Variants in DLG5 observed in about 807,000 individuals in gnomAD.
DLG5 encodes the protein discs large MAGUK scaffold protein 5.
In DLG5, 48 loss-of-function variants were observed where a neutral mutation model predicts 189.8. The observed-to-expected ratio is 0.25, with a 90% confidence interval of 0.20 to 0.32. The LOEUF (loss-of-function observed/expected upper bound fraction) is 0.32. Among genes scored for constraint, DLG5 ranks in the 10% least tolerant of loss-of-function variants. The pLI is 1.00. For synonymous variants in DLG5, 1,016 were observed against 1,054.1 expected (o/e 0.96, Z 0.70); for missense variants, 2,160 against 2,544.7 (o/e 0.85, Z 3.25).
intron 5 of DLG5, among the ~76,000 whole-genome samples, chr10:77,845,059 G>T (rs181854527): frequency 6.6e-6 from 1 of 152,262 alleles, no homozygotes; most frequent in African/African-American, 2.4e-5. Flanking sequence ...TCCTGAGTGA[G>T]ACAGGAAGCT....
At chr10:77,922,276 G>A (rs567375924) in intron 1 of DLG5, among the ~76,000 whole-genome samples, 1 of 152,200 alleles carries the variant, frequency 6.6e-6, no homozygotes, top group South Asian at 2.1e-4. Context: ...CCAGGGGCAG[G>A]GAGTTGAGAA....
chr10:77,884,802 G>A (rs1471153678), intron 1 of DLG5, among the ~76,000 whole-genome samples: 1 of 152,108 alleles, frequency 6.6e-6, no homozygotes, highest in Non-Finnish European at 1.5e-5. Flanking sequence ...GCCCTCAGAT[G>A]TTCCAAACAT....
At chr10:77,802,022 T>C (rs889272344) in intron 27 of DLG5, among the ~76,000 whole-genome samples, 4 of 152,102 alleles carry the variant, frequency 2.6e-5, no homozygotes, top group African/African-American at 9.7e-5. Flanking sequence ...CAGATGAGAT[T>C]TGAAGATGAC....
At chr10:77,863,798 C>T (rs968941982) in intron 2 of DLG5, among the ~76,000 whole-genome samples, 1 of 152,166 alleles carries the variant, frequency 6.6e-6, no homozygotes, top group Non-Finnish European at 1.5e-5. Flanking sequence ...TGGCCCAAAA[C>T]AGGAAGACAC....
chr10:77,897,419 A>C (rs1845794550), intron 1 of DLG5, among the ~76,000 whole-genome samples: 1 of 152,210 alleles, frequency 6.6e-6, no homozygotes. Flanking sequence ...ATTTAAAAAC[A>C]AGTGAGTAAT....
At position 77,792,176 on chromosome 10, in the gene DLG5, A is replaced by G; in HGVS notation, c.*264T>C. On this transcript the variant is annotated 3_prime_UTR_variant, in exon 32 of 32. Coordinates refer to ENST00000372391, the MANE Select transcript of DLG5 (RefSeq NM_004747.4). ...GCATCTCTGATCAGCTGGCTAAAGA[A>G]AGGTGGGTGCTGAACCCGTCTTTAG... The G allele has an allele frequency of 2.0e-6, 1 of 501,280 alleles. No homozygotes were observed. The highest frequency in any genetic ancestry group is 3.6e-6 in the Non-Finnish European group (1 of 281,228). The allele number at this position is 501,280 out of a possible 1,614,324, so 31.1% of individuals were successfully genotyped here.
In DLG5 at chr10:77,829,424, C is replaced by T; in HGVS notation, c.2116G>A (p.Val706Met). The T allele has an allele frequency of 6.2e-7, 1 of 1,614,258 alleles. No individual in the cohort carries two copies. Among genetic ancestry groups the T allele is most frequent in the Non-Finnish European group, 8.5e-7 (1 of 1,180,046 alleles). ...LNGEGAINMVVRRRKSLGGKV... is the reference protein window; with the variant it reads ...LNGEGAINMVMRRRKSLGGKV... ...CCACCCAGGGACTTCCTCCGCCGCACGACCATGTTGATGGCCCCCTCCCCA... is the reference window on the plus strand; with the variant it reads ...CCACCCAGGGACTTCCTCCGCCGCATGACCATGTTGATGGCCCCCTCCCCA... Residue 706 changes from valine to methionine, a missense_variant, in exon 12 of 32, where the codon GTG becomes ATG. Val to Met is a conservative substitution (Grantham distance 21). Around this residue, in one of 5 missense-constraint regions of DLG5, gnomAD observed 107 missense variants for 214.5 expected, o/e 0.50. Transcript: ENST00000372391.
At chr10:77,884,847 G>A (rs954958253) in intron 1 of DLG5, among the ~76,000 whole-genome samples, 12 of 152,068 alleles carry the variant, frequency 7.9e-5, no homozygotes, top group Non-Finnish European at 1.6e-4. Flanking sequence ...CGTCCAGGAG[G>A]GTTCACCCTC....
At position 77,830,773 on chromosome 10, in the gene DLG5, C is replaced by T. The variant is rs775874876; in HGVS notation, c.1849G>A (p.Glu617Lys). ...SAIDTDSMEW[E>K]TEVVEFERET... is the part of the protein sequence containing the mutation. The stretch of plus-strand genomic sequence containing the variant: ...CTCTCGAACTCTACAACTTCCGTTT[C>T]CCACTCCATGGAATCCGTGTCAATG... The change falls in exon 10 of 32, where the codon GAA (glutamate) becomes AAA (lysine). Residue 617 changes from glutamate to lysine, a missense_variant. By Grantham distance (56) the Glu-to-Lys change is moderately conservative (BLOSUM62 1). Around this residue, in one of 5 missense-constraint regions of DLG5, gnomAD observed 664 missense variants for 838.5 expected, o/e 0.79. Coordinates refer to ENST00000372391, the MANE Select transcript of DLG5 (RefSeq NM_004747.4). 3.1e-6 allele frequency: 5 copies of T among 1,614,104 alleles called. No homozygotes were observed. Among genetic ancestry groups the T allele is most frequent in the African/African-American group, 1.3e-5 (1 of 74,928 alleles).
intron 17 of DLG5, 136 bp downstream of exon 17, chr10:77,819,185 T>A: frequency 7.8e-7 from 1 of 1,282,418 alleles, no homozygotes; most frequent in South Asian, 1.3e-5. Context: ...CCTTTCCCTG[T>A]GCTGCTCTAG....
chr10:77,866,834 G>A, intron 2 of DLG5: 1 of 390,834 alleles, frequency 2.6e-6, no homozygotes, highest in East Asian at 7.2e-5. Context: ...AAGGTGGTAT[G>A]AGTGGGTGTT....
At chr10:77,854,631 C>G (rs1844142137) in intron 3 of DLG5, among the ~76,000 whole-genome samples, 1 of 152,198 alleles carries the variant, frequency 6.6e-6, no homozygotes, top group Non-Finnish European at 1.5e-5. Context: ...ACTTGTTCTG[C>G]AGGAGCTTCC....
In DLG5 at chr10:77,874,483, C is replaced by A. The variant is rs150881681; in HGVS notation, c.305-5286G>T. ...CATGACACCACAGCAGAAAATTCCA[C>A]ACCTGACCTCATGTGATGGGCCAGT... On this transcript the variant is annotated intron_variant, in intron 1 of 31. Coordinates refer to ENST00000372391, the MANE Select transcript of DLG5 (RefSeq NM_004747.4). Among the ~76,000 whole-genome samples the A allele has an allele frequency of 2.4e-3, 359 of 152,336 alleles. 2 individuals are homozygous for A. The highest frequency in any genetic ancestry group is 0.023 in the South Asian group (113 of 4,824).
intron 1 of DLG5, among the ~76,000 whole-genome samples, chr10:77,904,774 A>AG (rs1846025664): frequency 6.6e-6 from 1 of 151,822 alleles, no homozygotes; most frequent in African/African-American, 2.4e-5. Context: ...CCAAATAAAA[A>AG]AAAAAACAAA....
chr10:77,898,234 T>C (rs925005709), intron 1 of DLG5, among the ~76,000 whole-genome samples: 4 of 152,230 alleles, frequency 2.6e-5, no homozygotes, highest in Non-Finnish European at 5.9e-5. Flanking sequence ...CCCAAAGACC[T>C]GGATTCTGTT....
chr10:77,851,148 G>C (rs985865132), intron 5 of DLG5, among the ~76,000 whole-genome samples: 4 of 152,238 alleles, frequency 2.6e-5, no homozygotes, highest in Non-Finnish European at 5.9e-5. Flanking sequence ...CCCTCGGGCA[G>C]CTTCCTGGGA....
intron 7 of DLG5, among the ~76,000 whole-genome samples, chr10:77,841,500 G>A (rs80321380): frequency 0.012 from 1,884 of 152,324 alleles, 37 homozygotes; most frequent in African/African-American, 0.043. Context: ...GAGGCCTAAC[G>A]TATCTATGGC....
At chr10:77,927,588 G>C (rs1018231738), upstream of DLG5, 2 of 152,290 alleles carry the variant, frequency 1.3e-5, no homozygotes, top group Non-Finnish European at 2.9e-5. Context: ...ATGTTGGCAG[G>C]AGGAAGGATG....
chr10:77,834,976 A>C (rs1363538280), intron 8 of DLG5, among the ~76,000 whole-genome samples: 2 of 148,722 alleles, frequency 1.3e-5, no homozygotes, highest in East Asian at 2.0e-4. Flanking sequence ...GCAAGACATT[A>C]TCTCTCCCCA....
Sources: gnomAD v4.1 joint callset for allele counts (sites outside exome capture counted in the v4.1 genomes callset) on GRCh38, gnomAD v4.1.1 for gene constraint, gnomAD v4.1.1 regional missense constraint, MANE v1.5 for transcripts, NCBI Gene and HGNC (gene_info 2026-07-23, HGNC 2026-07-21) for gene names.